LIX1: variants seen among roughly 807,000 people sequenced by gnomAD.
LIX1 encodes limb and CNS expressed 1, also known as protein limb expression 1 homolog.
Under a neutral mutation model 33.4 loss-of-function variants are expected in LIX1, and 24 were observed. That is an observed-to-expected ratio of 0.72 (90% confidence interval 0.52 to 1.01). The LOEUF is 1.01. Among genes scored for constraint, LIX1 ranks in the 50% least tolerant of loss-of-function variants. The pLI, the probability that LIX1 is intolerant of heterozygous loss-of-function variation, is 0.00. For missense variants in LIX1, 311 were observed against 339.2 expected (o/e 0.92, Z 0.65); for synonymous variants, 124 against 124.0 (o/e 1.00, Z 0.00).
chr5:97,126,892 C>T (rs191213740), intron 1 of LIX1, among the ~76,000 whole-genome samples: 56 of 152,212 alleles, frequency 3.7e-4, no homozygotes, highest in Admixed American at 1.4e-3. Flanking sequence ...CCCATCTCGG[C>T]CTCCCAAAGT....
intron 1 of LIX1, among the ~76,000 whole-genome samples, chr5:97,126,039 T>C (rs1326446330): frequency 6.6e-6 from 1 of 152,198 alleles, no homozygotes; most frequent in African/African-American, 2.4e-5. Flanking sequence ...GGATCCTTGA[T>C]TGGACTTGAA....
At chr5:97,124,080 T>C (rs1747850633) in intron 2 of LIX1, among the ~76,000 whole-genome samples, 1 of 152,210 alleles carries the variant, frequency 6.6e-6, no homozygotes, top group African/African-American at 2.4e-5. Flanking sequence ...ATATAAATAG[T>C]ATCAGGTATG....
In LIX1 at chr5:97,116,368, G is replaced by T. The variant is rs558826315; in HGVS notation, c.246+8098C>A. 2.6e-5 allele frequency among the ~76,000 whole-genome samples: 4 copies of T among 152,222 alleles called. No individual in the cohort carries two copies. In the South Asian group the frequency reaches 8.3e-4, roughly 32 times the overall value. ...ATATCGTGTCTATCCATAGGTCAGG[G>T]TGGCTGCAAATATGTTGGGAACAAT... On this transcript the variant is annotated intron_variant, in intron 2 of 5. Coordinates refer to ENST00000274382, the MANE Select transcript of LIX1 (RefSeq NM_153234.5).
chr5:97,094,573 TGGGTCTTGTAA>T lies in LIX1; in HGVS notation c.*164_*174del. ...TAGAAAAATGCATCGAGTGGCTTGTTGGGTCTTGTAAGGGTCCTACGACTCTCATACTCTGT... is the reference window on the plus strand; with the variant it reads ...TAGAAAAATGCATCGAGTGGCTTGTTGGGTCCTACGACTCTCATACTCTGT... On this transcript the variant is annotated 3_prime_UTR_variant, in exon 6 of 6. Transcript: ENST00000274382. The T allele has an allele frequency of 1.7e-6, 1 of 578,030 alleles. No homozygotes were observed. 35.8% of individuals were successfully genotyped at this position (578,030 alleles called of 1,614,324 possible).
At chr5:97,128,328 TC>T (rs1747977957) in intron 1 of LIX1, among the ~76,000 whole-genome samples, 2 of 152,298 alleles carry the variant, frequency 1.3e-5, no homozygotes, top group South Asian at 4.1e-4. Flanking sequence ...AGAAACCTTG[TC>T]TCCCTAGGCT....
intron 4 of LIX1, among the ~76,000 whole-genome samples, chr5:97,100,786 G>A (rs946605897): frequency 6.6e-6 from 1 of 151,768 alleles, no homozygotes; most frequent in African/African-American, 2.4e-5. Context: ...TCTAAAGGAA[G>A]TTAGTGTAGT....
intron 5 of LIX1, 47 bp downstream of exon 5, chr5:97,096,763 T>C: frequency 7.6e-7 from 1 of 1,316,058 alleles, no homozygotes; most frequent in Non-Finnish European, 1.1e-6. Flanking sequence ...ATAAGCCACC[T>C]GCTGAGTTCA....
intron 2 of LIX1, among the ~76,000 whole-genome samples, chr5:97,123,125 C>T (rs1025571376): frequency 1.3e-5 from 2 of 152,222 alleles, no homozygotes; most frequent in East Asian, 3.9e-4. Flanking sequence ...TCTTTTATTT[C>T]CCCCACTAAA....
intron 4 of LIX1, chr5:97,101,987 TTCAG>T (rs1279982639): frequency 1.3e-5 from 2 of 152,132 alleles, no homozygotes; most frequent in African/African-American, 4.8e-5. Flanking sequence ...ATTAACCAGC[TTCAG>T]TCAAAGTCTG....
chr5:97,099,166 T>G (rs1471959252), intron 4 of LIX1, among the ~76,000 whole-genome samples: 2 of 152,190 alleles, frequency 1.3e-5, no homozygotes, highest in Non-Finnish European at 2.9e-5. Flanking sequence ...CCTCCACATC[T>G]TCCTGCCCTT....
At chr5:97,140,977 T>G (rs1366997516) in intron 1 of LIX1, among the ~76,000 whole-genome samples, 2 of 152,244 alleles carry the variant, frequency 1.3e-5, no homozygotes, top group Non-Finnish European at 2.9e-5. Context: ...CAGAACTTAA[T>G]GTATGCTTTA....
intron 1 of LIX1, among the ~76,000 whole-genome samples, chr5:97,126,644 T>TC (rs1414179059): frequency 6.8e-6 from 1 of 147,322 alleles, no homozygotes; most frequent in African/African-American, 2.5e-5. Flanking sequence ...TTTCTTTTTT[T>TC]TTTTTTTTTT....
chr5:97,115,770 AAG>A (rs1491229851), intron 2 of LIX1, among the ~76,000 whole-genome samples: 1 of 151,884 alleles, frequency 6.6e-6, no homozygotes, highest in Non-Finnish European at 1.5e-5. Flanking sequence ...AAAAAAAAAA[AAG>A]AACAGTAATG....
intron 1 of LIX1, among the ~76,000 whole-genome samples, chr5:97,131,458 A>C (rs1436846975): frequency 1.3e-5 from 2 of 152,182 alleles, no homozygotes; most frequent in Admixed American, 1.3e-4. Flanking sequence ...ATCTCCTATA[A>C]ACCATGCTAA....
At chr5:97,105,440 T>C (rs914251051) in intron 3 of LIX1, among the ~76,000 whole-genome samples, 155 bp from the exon 4 acceptor site, 5 of 152,252 alleles carry the variant, frequency 3.3e-5, no homozygotes, top group Non-Finnish European at 7.3e-5. Context: ...GAGAGTTTTG[T>C]CATCAATTTG....
intron 3 of LIX1, 114 bp downstream of exon 3, chr5:97,107,246 T>C (rs1747097353): frequency 3.7e-6 from 4 of 1,093,854 alleles, no homozygotes; most frequent in East Asian, 2.5e-5. Flanking sequence ...TGGGTAAAAA[T>C]TGAATCTACA....
intron 1 of LIX1, among the ~76,000 whole-genome samples, chr5:97,136,161 T>C (rs567589271): frequency 3.0e-4 from 46 of 152,292 alleles, no homozygotes; most frequent in African/African-American, 1.1e-3. Context: ...ATTTAAGCCA[T>C]TGTGCCAACA....
rs111561264 is a variant in LIX1, at chr5:97,114,199, T to C, written c.247-6699A>G. Among the ~76,000 whole-genome samples the C allele has an allele frequency of 5.7e-3, 871 of 152,236 alleles. 3 individuals carry two copies. The highest frequency in any genetic ancestry group is 0.017 in the Middle Eastern group (5 of 294). On this transcript the variant is annotated intron_variant, in intron 2 of 5. Transcript: ENST00000274382. ...GATAACTCTTCAAGAGCAAAAGTCA[T>C]TTAAATTAAACTTCTCTGGCCGGGC...
chr5:97,104,797 G>T (rs572722133), intron 4 of LIX1, among the ~76,000 whole-genome samples: 36 of 152,104 alleles, frequency 2.4e-4, no homozygotes, highest in Non-Finnish European at 5.1e-4. Context: ...ATTGTTTAAC[G>T]TGCACTGCAG....
Sources: allele counts gnomAD v4.1 joint callset (sites outside exome capture counted in the v4.1 genomes callset), GRCh38; gene constraint gnomAD v4.1.1; transcripts MANE v1.5; gene names NCBI Gene and HGNC (gene_info 2026-07-23, HGNC 2026-07-21).